Variants in TCF7L2 observed in about 807,000 individuals in gnomAD.
TCF7L2 encodes transcription factor 7-like 2.
Under a neutral mutation model 77.9 loss-of-function variants are expected in TCF7L2, and 23 were observed. The observed-to-expected ratio is 0.30, with a 90% CI of 0.21 to 0.42. TCF7L2 has a LOEUF of 0.42. Among genes scored for constraint, TCF7L2 ranks in the 10% least tolerant of loss-of-function variants. The probability of loss-of-function intolerance (pLI) is 1.00; values close to 1 mark genes in which losing one functional copy is unlikely to be tolerated. For missense variants in TCF7L2, 654 were observed against 793.1 expected (o/e 0.82, Z 2.11); for synonymous variants, 413 against 340.2 (o/e 1.21, Z -2.36).
At chr10:113,039,455 T>C (rs1178584461) in intron 4 of TCF7L2, among the ~76,000 whole-genome samples, 5 of 152,222 alleles carry the variant, frequency 3.3e-5, no homozygotes. Context: ...AAGTAAGTTT[T>C]GTTGAGTAAA....
rs2134204767 is a variant in TCF7L2, at chr10:112,951,502, A to G, written c.276A>G (p.Gly92=). 1 of 1,433,346 alleles carries G rather than the reference A, an allele frequency of 7.0e-7. No homozygotes were observed. Among genetic ancestry groups the G allele is most frequent in the Non-Finnish European group, 9.3e-7 (1 of 1,071,398 alleles). 88.8% of individuals were successfully genotyped at this position (1,433,346 alleles called of 1,614,324 possible). A position where few individuals can be genotyped will look rare whatever the true frequency, so the allele number is the denominator to read the frequency against. The change falls in exon 3 of 14, where the codon GGA becomes GGG. Residue 92 remains glycine (G), a synonymous_variant. Transcript: ENST00000627217. The stretch of plus-strand genomic sequence containing the variant: ...TGTTAGCGGCCAAGAGGCAAGATGG[A>G]GGGCTCTTTAAGGGGCCACCGTATC...
intron 4 of TCF7L2, among the ~76,000 whole-genome samples, chr10:112,977,458 A>G (rs552975723): frequency 7.9e-5 from 12 of 152,348 alleles, no homozygotes; most frequent in East Asian, 5.8e-4. Context: ...GGGAGCAGAC[A>G]TTGACATACG....
intron 4 of TCF7L2, among the ~76,000 whole-genome samples, chr10:113,005,118 C>T (rs1005661585): frequency 3.3e-5 from 5 of 152,190 alleles, no homozygotes; most frequent in Admixed American, 2.0e-4. Flanking sequence ...GCACCTAGCA[C>T]GTGTTGGGTC....
chr10:113,129,537 T>C, intron 5 of TCF7L2: 2 of 1,014,740 alleles, frequency 2.0e-6, no homozygotes, highest in Non-Finnish European at 2.4e-6. Context: ...GAACTCTAGA[T>C]TATTAGTGGA....
intron 4 of TCF7L2, among the ~76,000 whole-genome samples, chr10:113,026,467 G>GT (rs1007718234): frequency 1.3e-5 from 2 of 152,146 alleles, no homozygotes; most frequent in Admixed American, 1.3e-4. Context: ...CCTAAGTTTG[G>GT]TTTTTAACCA....
intron 3 of TCF7L2, among the ~76,000 whole-genome samples, chr10:112,953,167 C>G (rs954265310): frequency 1.3e-5 from 2 of 152,118 alleles, no homozygotes; most frequent in Non-Finnish European, 2.9e-5. Flanking sequence ...TCAGGTTTGA[C>G]TTGCTTTTTT....
rs142192380 is a variant in TCF7L2, at chr10:113,030,201, T to A, written c.451-9824T>A. Reference sequence around the variant, plus strand: ...AAACTTTCTTCATCTGCCTTGAAGTTAGCATATTTTCAAGGGCTACCATGT... The same window carrying A: ...AAACTTTCTTCATCTGCCTTGAAGTAAGCATATTTTCAAGGGCTACCATGT... On this transcript the variant is annotated intron_variant, in intron 4 of 13. Transcript: ENST00000627217. Among the ~76,000 whole-genome samples, 171 of 152,372 alleles carry A rather than the reference T, an allele frequency of 1.1e-3. 2 individuals are homozygous for A. The highest frequency in any genetic ancestry group is 3.9e-3 in the African/African-American group (164 of 41,592).
intron 5 of TCF7L2, among the ~76,000 whole-genome samples, chr10:113,086,141 C>G (rs1045078167): frequency 6.6e-6 from 1 of 152,204 alleles, no homozygotes; most frequent in African/African-American, 2.4e-5. Flanking sequence ...ACTCACGAGG[C>G]CTTCATTTAC....
intron 5 of TCF7L2, among the ~76,000 whole-genome samples, chr10:113,127,971 T>C (rs754887111): frequency 1.3e-5 from 2 of 151,886 alleles, no homozygotes; most frequent in Admixed American, 1.3e-4. Context: ...TATAAGTTAT[T>C]GTTGCTGAAT....
intron 5 of TCF7L2, among the ~76,000 whole-genome samples, chr10:113,045,661 C>T (rs61025833): frequency 0.049 from 7,494 of 152,154 alleles, 587 homozygotes; most frequent in African/African-American, 0.17. Context: ...GGAGGGCCAG[C>T]GTATTTTCTG....
At chr10:112,978,300 G>T (rs1433442859) in intron 4 of TCF7L2, among the ~76,000 whole-genome samples, 1 of 152,094 alleles carries the variant, frequency 6.6e-6, no homozygotes, top group Non-Finnish European at 1.5e-5. Flanking sequence ...CACATAGTGG[G>T]TGCTGAATGT....
At chr10:112,978,109 G>A (rs1044708778) in intron 4 of TCF7L2, among the ~76,000 whole-genome samples, 1 of 152,136 alleles carries the variant, frequency 6.6e-6, no homozygotes, top group African/African-American at 2.4e-5. Flanking sequence ...AAAGAAAAAG[G>A]ACAGCTAAAT....
At chr10:113,126,984 T>C (rs78353109) in intron 5 of TCF7L2, 1 of 938,856 alleles carries the variant, frequency 1.1e-6, no homozygotes, top group African/African-American at 1.8e-5. Flanking sequence ...CCAGTCCGCA[T>C]GCATGCTCTC....
chr10:112,997,912 C>T (rs1205855855), intron 4 of TCF7L2, among the ~76,000 whole-genome samples: 1 of 152,098 alleles, frequency 6.6e-6, no homozygotes, highest in Non-Finnish European at 1.5e-5. Flanking sequence ...CCTGACGTAT[C>T]TGTAAATTTC....
chr10:113,012,281 G>A (rs1015629853), intron 4 of TCF7L2, among the ~76,000 whole-genome samples: 1 of 152,236 alleles, frequency 6.6e-6, no homozygotes, highest in Non-Finnish European at 1.5e-5. Flanking sequence ...CTGCTTTAGG[G>A]GTTGGAATAG....
intron 5 of TCF7L2, among the ~76,000 whole-genome samples, chr10:113,073,810 G>C (rs974837032): frequency 4.6e-5 from 7 of 152,126 alleles, no homozygotes; most frequent in African/African-American, 1.2e-4. Context: ...TCACCACACC[G>C]GACTGCCTGG....
At chr10:112,979,965 T>A (rs1306920908) in intron 4 of TCF7L2, among the ~76,000 whole-genome samples, 1 of 152,198 alleles carries the variant, frequency 6.6e-6, no homozygotes, top group Non-Finnish European at 1.5e-5. Context: ...TTCCAAATCA[T>A]TTAAGAACAA....
intron 6 of TCF7L2, among the ~76,000 whole-genome samples, chr10:113,142,583 G>A (rs913995753): frequency 6.6e-6 from 1 of 152,148 alleles, no homozygotes; most frequent in East Asian, 1.9e-4. Flanking sequence ...GGGTAGGTAG[G>A]CTGCCTGGTT....
chr10:113,092,563 A>T (rs1462477625), intron 5 of TCF7L2, among the ~76,000 whole-genome samples: 1 of 152,202 alleles, frequency 6.6e-6, no homozygotes, highest in Non-Finnish European at 1.5e-5. Context: ...ATTCACATGT[A>T]ACATTCCTAG....
Sources: allele counts gnomAD v4.1 joint callset (sites outside exome capture counted in the v4.1 genomes callset), GRCh38; gene constraint gnomAD v4.1.1; transcripts MANE v1.5; gene names NCBI Gene and HGNC (gene_info 2026-07-23, HGNC 2026-07-21).